PTPRD: variants seen among roughly 807,000 people sequenced by gnomAD.
PTPRD encodes receptor-type tyrosine-protein phosphatase delta.
Under a neutral mutation model 214.5 loss-of-function variants are expected in PTPRD, and 34 were observed. That is an observed-to-expected ratio of 0.16 (90% CI 0.12 to 0.21). The LOEUF (loss-of-function observed/expected upper bound fraction) is 0.21. PTPRD is among the 10% of genes least tolerant of loss of function. PTPRD has a pLI of 1.00. For missense variants in PTPRD, 2,545 were observed against 2,398.7 expected (o/e 1.06, Z -1.27); for synonymous variants, 1,128 against 845.7 (o/e 1.33, Z -5.79).
At chr9:10,368,005 G>C (rs1021953434) in intron 2 of PTPRD, among the ~76,000 whole-genome samples, 1 of 152,004 alleles carries the variant, frequency 6.6e-6, no homozygotes, top group Non-Finnish European at 1.5e-5. Context: ...TTTTATGTTT[G>C]TTGTATTATC....
intron 10 of PTPRD, among the ~76,000 whole-genome samples, chr9:9,122,983 C>T (rs1272924733): frequency 6.6e-6 from 1 of 152,098 alleles, no homozygotes; most frequent in Non-Finnish European, 1.5e-5. Flanking sequence ...ATTGCTATAT[C>T]CACAAGGCAC....
At chr9:10,157,710 T>C (rs1285485179) in intron 3 of PTPRD, among the ~76,000 whole-genome samples, 1 of 152,212 alleles carries the variant, frequency 6.6e-6, no homozygotes, top group African/African-American at 2.4e-5. Flanking sequence ...TTCTCATGGA[T>C]GATATCCGAA....
At chr9:8,448,821 G>C (rs184216061) in intron 34 of PTPRD, among the ~76,000 whole-genome samples, 10 of 152,290 alleles carry the variant, frequency 6.6e-5, no homozygotes, top group African/African-American at 2.2e-4. Flanking sequence ...CTGTGAATCA[G>C]AACATCCATA....
intron 8 of PTPRD, among the ~76,000 whole-genome samples, chr9:9,523,521 TTCTA>T (rs2097043583): frequency 1.4e-5 from 2 of 144,256 alleles, no homozygotes; most frequent in Admixed American, 1.3e-4. Flanking sequence ...CTAACTCCTG[TTCTA>T]TCTATCTCTT....
At chr9:8,847,170 A>C (rs900031162) in intron 11 of PTPRD, among the ~76,000 whole-genome samples, 2 of 146,138 alleles carry the variant, frequency 1.4e-5, no homozygotes, top group Admixed American at 1.4e-4. Context: ...TATTTTCCTA[A>C]AATATTTTTT....
intron 4 of PTPRD, among the ~76,000 whole-genome samples, chr9:10,016,674 T>C (rs1240953065): frequency 2.7e-5 from 4 of 148,400 alleles, no homozygotes; most frequent in Non-Finnish European, 6.0e-5. Context: ...CTGTGGGTTG[T>C]TTTTTTTTTC....
At chr9:9,867,446 G>T (rs1053907604) in intron 5 of PTPRD, among the ~76,000 whole-genome samples, 2 of 151,652 alleles carry the variant, frequency 1.3e-5, no homozygotes, top group Non-Finnish European at 2.9e-5. Context: ...AAGATATTCT[G>T]CATGATTAAA....
At chr9:10,348,641 G>A (rs2097130472) in intron 2 of PTPRD, among the ~76,000 whole-genome samples, 1 of 152,180 alleles carries the variant, frequency 6.6e-6, no homozygotes, top group South Asian at 2.1e-4. Context: ...TCCCCTGTTT[G>A]CATATAACAT....
chr9:10,231,199 C>T (rs940904548), intron 3 of PTPRD, among the ~76,000 whole-genome samples: 12 of 151,616 alleles, frequency 7.9e-5, no homozygotes, highest in Admixed American at 3.3e-4. Context: ...GTGTGACATA[C>T]AAATGTATGC....
chr9:9,598,313 G>A (rs2093510836), intron 7 of PTPRD, among the ~76,000 whole-genome samples: 1 of 151,904 alleles, frequency 6.6e-6, no homozygotes, highest in African/African-American at 2.4e-5. Context: ...TATGGTAGAA[G>A]AAACAAAATA....
intron 11 of PTPRD, among the ~76,000 whole-genome samples, chr9:8,918,247 T>C (rs1398508219): frequency 6.6e-6 from 1 of 152,052 alleles, no homozygotes; most frequent in Non-Finnish European, 1.5e-5. Flanking sequence ...TAACAAAACA[T>C]ACTGAAATCA....
chr9:9,473,022 ATTG>A (rs1228195634), intron 8 of PTPRD, among the ~76,000 whole-genome samples: 1 of 152,162 alleles, frequency 6.6e-6, no homozygotes, highest in African/African-American at 2.4e-5. Context: ...ATATGAAATT[ATTG>A]TTAATGAACT....
At chr9:9,881,896 G>T (rs1400938345) in intron 5 of PTPRD, among the ~76,000 whole-genome samples, 2 of 152,164 alleles carry the variant, frequency 1.3e-5, no homozygotes, top group East Asian at 3.9e-4. Context: ...GGGCTAGCTT[G>T]CTGGAGAAAT....
At chr9:9,813,135 G>C (rs1394404068) in intron 5 of PTPRD, among the ~76,000 whole-genome samples, 5 of 152,030 alleles carry the variant, frequency 3.3e-5, no homozygotes, top group Non-Finnish European at 5.9e-5. Context: ...AAATGTATAA[G>C]ACGCAGTACA....
chr9:9,719,951 A>C (rs1470152447), intron 7 of PTPRD, among the ~76,000 whole-genome samples: 1 of 152,286 alleles, frequency 6.6e-6, no homozygotes, highest in Middle Eastern at 3.4e-3. Flanking sequence ...AACTGTGTGC[A>C]CTGGCAGGAC....
intron 11 of PTPRD, among the ~76,000 whole-genome samples, chr9:8,788,779 G>A (rs10124578): frequency 0.16 from 24,339 of 151,932 alleles, 2,166 homozygotes; most frequent in African/African-American, 0.25. Flanking sequence ...ACCCACTTCC[G>A]AAGAACAGAA....
intron 35 of PTPRD, among the ~76,000 whole-genome samples, chr9:8,414,960 A>G (rs10977068): frequency 0.18 from 26,271 of 142,734 alleles, 3,499 homozygotes; most frequent in East Asian, 0.51. Context: ...AGAGAGAGAG[A>G]GAGAGAGAGA....
intron 12 of PTPRD, among the ~76,000 whole-genome samples, chr9:8,659,670 T>C (rs1019770365): frequency 1.3e-5 from 2 of 152,122 alleles, no homozygotes; most frequent in African/African-American, 2.4e-5. Context: ...TTGGGGCAAA[T>C]AGAAAAGGAA....
intron 5 of PTPRD, among the ~76,000 whole-genome samples, chr9:9,814,912 A>C (rs552491513): frequency 4.9e-4 from 71 of 145,800 alleles, no homozygotes; most frequent in African/African-American, 1.4e-3. Flanking sequence ...CGATCCTTTC[A>C]CCTCAGCCTC....
Sources: gnomAD v4.1 joint callset for allele counts (sites outside exome capture counted in the v4.1 genomes callset) on GRCh38, gnomAD v4.1.1 for gene constraint, MANE v1.5 for transcripts, NCBI Gene and HGNC (gene_info 2026-07-23, HGNC 2026-07-21) for gene names.